Variants in SLC7A2 observed in about 807,000 individuals in gnomAD.
SLC7A2 encodes solute carrier family 7 member 2, also known as cationic amino acid transporter 2.
A neutral mutation model predicts 58.9 loss-of-function variants in SLC7A2; 48 were observed. That is an observed-to-expected ratio of 0.82 (90% CI 0.65 to 1.04). The LOEUF (loss-of-function observed/expected upper bound fraction) is 1.04. SLC7A2 is among the 50% of genes least tolerant of loss of function. SLC7A2 has a pLI of 0.00. For missense variants in SLC7A2, 1,029 were observed against 818.8 expected, an observed-to-expected ratio of 1.26 and a Z score of -3.13; for synonymous variants, 363 against 314.5, an observed-to-expected ratio of 1.15 and a Z score of -1.63.
At chr8:17,555,859 G>T (rs1204057938) in intron 8 of SLC7A2, among the ~76,000 whole-genome samples, 2 of 152,116 alleles carry the variant, frequency 1.3e-5, no homozygotes, top group African/African-American at 4.8e-5. Context: ...TGGCCTTAAA[G>T]GTACTGTTAC....
At chr8:17,499,420 C>G (rs998010882) in intron 1 of SLC7A2, among the ~76,000 whole-genome samples, 2 of 150,582 alleles carry the variant, frequency 1.3e-5, no homozygotes, top group Admixed American at 6.6e-5. Context: ...CTCTCTCCCC[C>G]CTTCTCTCTC....
chr8:17,559,384 G>A (rs186068654), intron 9 of SLC7A2, among the ~76,000 whole-genome samples: 1 of 152,254 alleles, frequency 6.6e-6, no homozygotes, highest in Non-Finnish European at 1.5e-5. Context: ...ATGCTGCCAG[G>A]AAGGAGAAGT....
chr8:17,513,887 T>G lies in SLC7A2; in HGVS notation c.-23+11585T>G, dbSNP rs77517193. 4.7e-3 allele frequency among the ~76,000 whole-genome samples: 711 copies of G among 152,284 alleles called. 6 individuals carry two copies. The highest frequency in any genetic ancestry group is 0.016 in the African/African-American group (674 of 41,562). On this transcript the variant is annotated intron_variant, in intron 2 of 12. Transcript: ENST00000494857. ...CAGAGCACATATTGCCAAAAACCTG[T>G]CATCCTGCTCAACATTTCTACCTCT...
intron 2 of SLC7A2, among the ~76,000 whole-genome samples, 188 bp from the exon 3 acceptor site, chr8:17,543,130 C>G (rs920985264): frequency 1.3e-5 from 2 of 152,068 alleles, no homozygotes; most frequent in African/African-American, 4.8e-5. Flanking sequence ...ATTCGAGGCT[C>G]TGGTTATTAA....
intron 2 of SLC7A2, among the ~76,000 whole-genome samples, chr8:17,535,255 G>C (rs543117201): frequency 6.6e-6 from 1 of 152,078 alleles, no homozygotes; most frequent in South Asian, 2.1e-4. Context: ...TACTCTTGCT[G>C]TGTACACCCT....
At chr8:17,550,798 AT>A in intron 6 of SLC7A2, among the ~76,000 whole-genome samples, 1 of 152,302 alleles carries the variant, frequency 6.6e-6, no homozygotes, top group East Asian at 1.9e-4. Flanking sequence ...CATGATGATC[AT>A]GTTCTTAAAT....
chr8:17,521,436 ACTGT>A (rs1277698722), intron 2 of SLC7A2, among the ~76,000 whole-genome samples: 2 of 152,216 alleles, frequency 1.3e-5, no homozygotes, highest in African/African-American at 2.4e-5. Context: ...TTCTAGGCAC[ACTGT>A]CTGTCTCATT....
rs576096339 is a variant in SLC7A2 at position 17,564,140 on chromosome 8, C to T, written c.1780+429C>T. On this transcript the variant is annotated intron_variant, in intron 12 of 12. Transcript: ENST00000494857. ...CTTTGCATACAGTTCTTCGGACTCT[C>T]CTGGTGACAGTGACACGTGTAAAGC... Among the ~76,000 whole-genome samples, 14 of 152,270 alleles carry T rather than the reference C, an allele frequency of 9.2e-5. 1 individual carries two copies. In the South Asian group the frequency reaches 2.3e-3, roughly 25 times the overall value.
chr8:17,561,750 A>G (rs1297610965), intron 10 of SLC7A2, among the ~76,000 whole-genome samples, 194 bp from the exon 11 acceptor site: 1 of 152,186 alleles, frequency 6.6e-6, no homozygotes, highest in Admixed American at 6.5e-5. Flanking sequence ...TAAATAAGCA[A>G]TGGTTCTTAA....
chr8:17,510,650 C>T (rs1800566366), intron 2 of SLC7A2: 1 of 152,136 alleles, frequency 6.6e-6, no homozygotes, highest in Non-Finnish European at 1.5e-5. Flanking sequence ...AGTGTCTGTT[C>T]ATATCTTTTG....
chr8:17,495,972 T>C (rs890098952), upstream of SLC7A2, among the ~76,000 whole-genome samples: 10 of 152,212 alleles, frequency 6.6e-5, no homozygotes, highest in African/African-American at 2.4e-4. Flanking sequence ...GGGATATATG[T>C]CTTGAAGGGA....
chr8:17,507,905 T>G (rs1800438240), intron 2 of SLC7A2, among the ~76,000 whole-genome samples: 1 of 152,184 alleles, frequency 6.6e-6, no homozygotes, highest in Non-Finnish European at 1.5e-5. Flanking sequence ...TTGGATAAGC[T>G]ATTTTCGTAG....
chr8:17,535,339 A>G (rs1801619000), intron 2 of SLC7A2, among the ~76,000 whole-genome samples: 1 of 152,052 alleles, frequency 6.6e-6, no homozygotes, highest in African/African-American at 2.4e-5. Context: ...GGCTAAATTT[A>G]ACTCATCCAA....
chr8:17,495,395 A>G (rs74720879), upstream of SLC7A2, among the ~76,000 whole-genome samples: 4,030 of 152,272 alleles, frequency 0.026, 83 homozygotes, highest in Non-Finnish European at 0.041. Flanking sequence ...CACACGCATC[A>G]TTTCCCTTAA....
At chr8:17,495,792 G>A (rs927307391), upstream of SLC7A2, among the ~76,000 whole-genome samples, 2 of 152,104 alleles carry the variant, frequency 1.3e-5, no homozygotes, top group African/African-American at 4.8e-5. Flanking sequence ...TCAGGTGATC[G>A]GCGCGCCTCG....
intron 4 of SLC7A2, among the ~76,000 whole-genome samples, chr8:17,548,123 T>C (rs1177640602): frequency 6.6e-6 from 1 of 152,178 alleles, no homozygotes; most frequent in African/African-American, 2.4e-5. Context: ...GGCAGATCAC[T>C]TGAGGTCTGG....
chr8:17,556,820 G>A (rs959994471), intron 8 of SLC7A2, among the ~76,000 whole-genome samples: 1 of 152,078 alleles, frequency 6.6e-6, no homozygotes, highest in African/African-American at 2.4e-5. Flanking sequence ...TGTTGGCCAA[G>A]CTGGTCTCAA....
intron 2 of SLC7A2, among the ~76,000 whole-genome samples, chr8:17,538,434 G>A (rs1801765285): frequency 6.6e-6 from 1 of 152,128 alleles, no homozygotes; most frequent in Admixed American, 6.5e-5. Flanking sequence ...AGTACTGAAT[G>A]CCAAGTTTTG....
intron 2 of SLC7A2, among the ~76,000 whole-genome samples, chr8:17,508,664 CA>C (rs1800472348): frequency 6.6e-6 from 1 of 151,984 alleles, no homozygotes; most frequent in African/African-American, 2.4e-5. Flanking sequence ...ATGGAGGTTA[CA>C]GTGAGGCGAG....
Sources: gnomAD v4.1 joint callset for allele counts (sites outside exome capture counted in the v4.1 genomes callset) on GRCh38, gnomAD v4.1.1 for gene constraint, MANE v1.5 for transcripts, NCBI Gene and HGNC (gene_info 2026-07-23, HGNC 2026-07-21) for gene names.